TP53I11: variants seen among roughly 807,000 people sequenced by gnomAD.
The protein encoded by TP53I11 is tumor protein p53 inducible protein 11.
TP53I11 carries 9 observed loss-of-function variants against 23.3 expected under a neutral mutation model. The ratio of observed to expected loss-of-function variants is 0.39; its 90% CI spans 0.23 to 0.67. TP53I11 has a LOEUF of 0.67. Ranked by LOEUF, TP53I11 falls within the 30% of genes least tolerant of loss-of-function variation. TP53I11 has a pLI of 0.48. For missense variants in TP53I11, 170 were observed against 255.2 expected (o/e 0.67, Z 2.27); for synonymous variants, 100 against 106.1 (o/e 0.94, Z 0.35).
At chr11:44,935,283 G>A (rs990739743) in intron 6 of TP53I11, among the ~76,000 whole-genome samples, 1 of 146,192 alleles carries the variant, frequency 6.8e-6, no homozygotes, top group Non-Finnish European at 1.6e-5. Flanking sequence ...TGGGTACAGT[G>A]GGCAGTGGGT....
intron 1 of TP53I11, among the ~76,000 whole-genome samples, chr11:44,949,811 T>G (rs1005319083): frequency 3.0e-4 from 45 of 151,452 alleles, no homozygotes; most frequent in Admixed American, 3.3e-4. Flanking sequence ...TTGGGGAGAG[T>G]GGGGGGCGTC....
intron 1 of TP53I11, among the ~76,000 whole-genome samples, chr11:44,948,818 G>A (rs1449139495): frequency 6.6e-6 from 1 of 152,234 alleles, no homozygotes; most frequent in Non-Finnish European, 1.5e-5. Flanking sequence ...CCCAAGAGGG[G>A]CAGGCCCTTC....
chr11:44,935,677 G>GGGGGGTTTC lies in TP53I11; in HGVS notation c.335-16_335-15insGAAACCCCC. The stretch of plus-strand genomic sequence containing the variant: ...CAGGGAGATGCCTGGGGCGGGGGAT[G>GGGGGGTTTC]AAAAGGGGGCTGGGGGTGGGACAGC... On this transcript the variant is annotated splice_polypyrimidine_tract_variant and intron_variant, in intron 5 of 6. Transcript: ENST00000525680. The GGGGGGTTTC allele has an allele frequency of 1.2e-5, 7 of 575,350 alleles. No individual in the cohort carries two copies. The highest frequency in any genetic ancestry group is 2.2e-5 in the Non-Finnish European group (7 of 318,166). 35.6% of individuals were successfully genotyped at this position (575,350 alleles called of 1,614,324 possible).
intron 1 of TP53I11, among the ~76,000 whole-genome samples, chr11:44,950,379 C>G (rs1055165366): frequency 5.3e-5 from 8 of 152,236 alleles, no homozygotes; most frequent in Non-Finnish European, 8.8e-5. Context: ...GACCGCGGAG[C>G]CGGGGGAGAG....
At chr11:44,935,946 G>T in intron 5 of TP53I11, 1 of 510,974 alleles carries the variant, frequency 2.0e-6, no homozygotes, top group East Asian at 3.4e-5. Context: ...TCTTTATAAA[G>T]GGGGAGGACT....
chr11:44,946,810 C>T (rs886271813), intron 1 of TP53I11, among the ~76,000 whole-genome samples: 7 of 152,174 alleles, frequency 4.6e-5, no homozygotes, highest in African/African-American at 1.7e-4. Flanking sequence ...GTCTCTAGGG[C>T]CCCTCCCAGC....
chr11:44,947,005 C>A (rs1222015080), intron 1 of TP53I11: 1 of 456,086 alleles, frequency 2.2e-6, no homozygotes. Context: ...GAAACATTTC[C>A]AAAGCTTTAG....
intron 1 of TP53I11, among the ~76,000 whole-genome samples, chr11:44,939,809 G>GC (rs1319622763): frequency 6.6e-6 from 1 of 152,090 alleles, no homozygotes; most frequent in African/African-American, 2.4e-5. Context: ...ACCCTCCTAC[G>GC]CCCCCTGGCT....
At position 44,939,706 on chromosome 11, in the gene TP53I11, G is replaced by A. The variant is rs370387665; in HGVS notation, c.-31-1340C>T. On this transcript the variant is annotated intron_variant, in intron 1 of 6. Coordinates refer to ENST00000525680, the MANE Select transcript of TP53I11 (RefSeq NM_006034.5). Reference sequence around the variant, plus strand: ...TGTGGCTGTAGACCGGATCAACTAGGGAGGCAGTATACCATGTCGCATTGG... The same window carrying A: ...TGTGGCTGTAGACCGGATCAACTAGAGAGGCAGTATACCATGTCGCATTGG... Among the ~76,000 whole-genome samples the A allele has an allele frequency of 5.6e-4, 83 of 149,484 alleles. No homozygotes were observed. In the South Asian group the frequency reaches 0.018, roughly 32 times the overall value.
At position 44,936,786 on chromosome 11, in the gene TP53I11, G is replaced by A. The variant is rs770307424; in HGVS notation, c.334+17C>T. On this transcript the variant is annotated intron_variant, in intron 5 of 6. Transcript: ENST00000525680. The surrounding 1 kb of genome is among the most constrained non-coding windows in gnomAD (Gnocchi z 4.4). ...CTGCCCGTCGCCTCCCCCAGGGCCC[G>A]CCCCAGCAGTACTCACTGAGGAGGG... is the stretch of plus-strand genomic sequence containing the variant. 7 of 1,537,684 alleles carry A rather than the reference G, an allele frequency of 4.6e-6. No individual in the cohort carries two copies. The highest frequency in any genetic ancestry group is 1.4e-5 in the African/African-American group (1 of 71,366).
intron 1 of TP53I11, among the ~76,000 whole-genome samples, chr11:44,946,577 C>A (rs2135507505): frequency 6.6e-6 from 1 of 152,348 alleles, no homozygotes; most frequent in African/African-American, 2.4e-5. Flanking sequence ...CACAGCTCTG[C>A]AGTTGAGAAA....
intron 1 of TP53I11, among the ~76,000 whole-genome samples, chr11:44,947,718 A>G (rs1317322202): frequency 6.6e-6 from 1 of 152,154 alleles, no homozygotes; most frequent in Non-Finnish European, 1.5e-5. Flanking sequence ...CTTGTGCTCC[A>G]TCCTGGCTCT....
chr11:44,935,082 C>A, intron 6 of TP53I11, 65 bp from the exon 7 acceptor site: 1 of 1,600,268 alleles, frequency 6.2e-7, no homozygotes, highest in Non-Finnish European at 8.5e-7. Context: ...CGCTGCCCCC[C>A]TAGCCCGGAG....
In TP53I11 at chr11:44,935,053, A is replaced by C. The variant is rs77647154; in HGVS notation, c.437-36T>G. ...GAGTCCAGCAAGGCCACAGGGTCAG[A>C]GGAGGGGATGTGTCCCAGCGCTGCC... On this transcript the variant is annotated intron_variant, in intron 6 of 6. Coordinates refer to ENST00000525680, the MANE Select transcript of TP53I11 (RefSeq NM_006034.5). The C allele has an allele frequency of 8.1e-3, 13,067 of 1,611,256 alleles. 899 individuals carry two copies. The African/African-American group carries it at 0.15, about 18-fold the overall frequency.
intron 6 of TP53I11, 29 bp downstream of exon 6, chr11:44,935,532 C>T: frequency 6.2e-7 from 1 of 1,606,852 alleles, no homozygotes; most frequent in African/African-American, 1.3e-5. Flanking sequence ...GGCCCATCAG[C>T]CTCCCTCACT....
rs1861038256 is a variant in TP53I11 at position 44,935,761 on chromosome 11, G to C, written c.335-99C>G. ...CTGCTTCCTCTGGCCACTGCTGCAA[G>C]ACAGCTGGGGTCCTGGACTCCACGC... On this transcript the variant is annotated intron_variant, in intron 5 of 6. Coordinates refer to ENST00000525680, the MANE Select transcript of TP53I11 (RefSeq NM_006034.5). 3 of 817,490 alleles carry C rather than the reference G, an allele frequency of 3.7e-6. No homozygotes were observed. In the South Asian group the frequency reaches 4.5e-5, roughly 12 times the overall value. The allele number at this position is 817,490 out of a possible 1,614,324, so 50.6% of individuals were successfully genotyped here.
At chr11:44,946,099 CCGTAAA>C (rs1284159556) in intron 1 of TP53I11, among the ~76,000 whole-genome samples, 2 of 152,194 alleles carry the variant, frequency 1.3e-5, no homozygotes, top group East Asian at 3.9e-4. Context: ...CTTCCTTCCA[CCGTAAA>C]TGGGGCGGTG....
intron 1 of TP53I11, among the ~76,000 whole-genome samples, chr11:44,942,013 C>T (rs1312912095): frequency 1.1e-3 from 6 of 5,264 alleles, no homozygotes; most frequent in Non-Finnish European, 2.5e-3. Flanking sequence ...ACCATACTCA[C>T]GCCACACACA....
intron 4 of TP53I11, 103 bp downstream of exon 4, chr11:44,937,201 C>A (rs774677885): frequency 2.1e-6 from 3 of 1,429,566 alleles, no homozygotes; most frequent in Non-Finnish European, 2.9e-6. Flanking sequence ...CAGATGGGCC[C>A]CTGCACGAGG....
Sources: gnomAD v4.1 joint callset for allele counts (sites outside exome capture counted in the v4.1 genomes callset) on GRCh38, gnomAD v4.1.1 for gene constraint, Gnocchi (gnomAD v3.1) non-coding constraint, MANE v1.5 for transcripts, NCBI Gene and HGNC (gene_info 2026-07-23, HGNC 2026-07-21) for gene names.